The following ITSN1 variants were observed in gnomAD, a reference collection of about 807,000 sequenced individuals.
The protein encoded by ITSN1 is intersectin-1.
Under a neutral mutation model 239.8 loss-of-function variants are expected in ITSN1, and 58 were observed. That is an observed-to-expected ratio of 0.24 (90% CI 0.20 to 0.30). ITSN1 has a LOEUF of 0.30. Among genes scored for constraint, ITSN1 ranks in the 10% least tolerant of loss-of-function variants. The pLI is 1.00. For synonymous variants in ITSN1, 780 were observed against 770.8 expected (o/e 1.01, Z -0.20); for missense variants, 1,558 against 2,103.3 (o/e 0.74, Z 5.07).
At chr21:33,813,091 G>A (rs953330160) in intron 21 of ITSN1, among the ~76,000 whole-genome samples, 1 of 151,984 alleles carries the variant, frequency 6.6e-6, no homozygotes, top group African/African-American at 2.4e-5. Flanking sequence ...TGTATTTCAT[G>A]TACCCTCACA....
intron 29 of ITSN1, among the ~76,000 whole-genome samples, chr21:33,854,862 C>T (rs1320050674): frequency 6.6e-6 from 1 of 152,052 alleles, no homozygotes; most frequent in Non-Finnish European, 1.5e-5. Flanking sequence ...TGAGTGAGGT[C>T]GAGGGTGTTG....
Position 33,683,850 on chromosome 21 carries a change from G to T in ITSN1, c.-32-34947G>T, listed in dbSNP as rs76898745. 3.8e-3 allele frequency among the ~76,000 whole-genome samples: 572 copies of T among 152,242 alleles called. 3 individuals are homozygous for T. Among genetic ancestry groups the T allele is most frequent in the African/African-American group, 0.013 (527 of 41,542 alleles). ...GAATTTCTCTATTTTAATATTTGTA[G>T]TTGCTATCCATTTTAGAAATATCCA... On this transcript the variant is annotated intron_variant, in intron 1 of 39. Transcript: ENST00000381318.
intron 2 of ITSN1, among the ~76,000 whole-genome samples, chr21:33,720,528 T>G (rs1223411033): frequency 6.6e-6 from 1 of 152,272 alleles, no homozygotes; most frequent in South Asian, 2.1e-4. Context: ...CCCATTCTCT[T>G]TGGCTATTAT....
At chr21:33,810,825 C>CTT (rs2072852748) in intron 20 of ITSN1, 150 bp from the exon 21 acceptor site, 9 of 923,994 alleles carry the variant, frequency 9.7e-6, no homozygotes, top group Middle Eastern at 2.5e-4. Context: ...TGCTTAGACT[C>CTT]TTTTCCCAGA....
At chr21:33,759,192 G>A (rs532684493) in intron 8 of ITSN1, among the ~76,000 whole-genome samples, 84 of 152,318 alleles carry the variant, frequency 5.5e-4, no homozygotes, top group Middle Eastern at 6.8e-3. Context: ...GCTTATATCA[G>A]TGGATATGGC....
intron 2 of ITSN1, among the ~76,000 whole-genome samples, chr21:33,719,301 C>T (rs904817480): frequency 1.3e-5 from 2 of 152,054 alleles, no homozygotes; most frequent in African/African-American, 2.4e-5. Flanking sequence ...ATTAGCCGGG[C>T]GTGGTGGCAG....
At chr21:33,663,770 T>C (rs958830057) in intron 1 of ITSN1, among the ~76,000 whole-genome samples, 1 of 152,140 alleles carries the variant, frequency 6.6e-6, no homozygotes, top group African/African-American at 2.4e-5. Context: ...GCCTGGCTAA[T>C]TTTTTGTATT....
At chr21:33,873,697 C>T (rs1983137350) in intron 33 of ITSN1, among the ~76,000 whole-genome samples, 1 of 151,642 alleles carries the variant, frequency 6.6e-6, no homozygotes, top group African/African-American at 2.4e-5. Context: ...ATGGCGAGAC[C>T]CCCGTCTCCA....
At chr21:33,711,167 A>G (rs2092404381) in intron 1 of ITSN1, among the ~76,000 whole-genome samples, 1 of 152,182 alleles carries the variant, frequency 6.6e-6, no homozygotes, top group South Asian at 2.1e-4. Flanking sequence ...ATTTTCCAAG[A>G]AATTTGTTTC....
chr21:33,647,053 TGACTA>T (rs1325715258), intron 1 of ITSN1, among the ~76,000 whole-genome samples: 2 of 152,172 alleles, frequency 1.3e-5, no homozygotes, highest in East Asian at 1.9e-4. Flanking sequence ...TTTAATTGAA[TGACTA>T]GACTAAACAT....
intron 8 of ITSN1, among the ~76,000 whole-genome samples, chr21:33,757,231 CATTG>C (rs1228646278): frequency 1.2e-4 from 19 of 152,134 alleles, no homozygotes; most frequent in African/African-American, 4.3e-4. Context: ...TCAATTGAGA[CATTG>C]ATTGAGAAAT....
At position 33,875,692 on chromosome 21, in the gene ITSN1, T is replaced by C. The variant is rs112323777; in HGVS notation, c.4341+171T>C. Among the ~76,000 whole-genome samples the C allele has an allele frequency of 8.2e-4, 125 of 152,222 alleles. 1 individual carries two copies. Among genetic ancestry groups the C allele is most frequent in the Non-Finnish European group, 1.6e-3 (110 of 68,030 alleles). Reference sequence around the variant, plus strand: ...CATCCACCCACTGAGTATTTATTTATTTATTTGAGATAGAGTCTCACTCTG... The same window carrying C: ...CATCCACCCACTGAGTATTTATTTACTTATTTGAGATAGAGTCTCACTCTG... On this transcript the variant is annotated intron_variant, in intron 34 of 39. Transcript: ENST00000381318.
intron 1 of ITSN1, among the ~76,000 whole-genome samples, chr21:33,649,111 G>A (rs1328421581): frequency 6.6e-6 from 1 of 152,208 alleles, no homozygotes; most frequent in Admixed American, 6.5e-5. Flanking sequence ...GTACAGAAGT[G>A]TGATGAGGGA....
chr21:33,882,251 G>A lies in ITSN1; in HGVS notation c.4350G>A (p.Val1450=), dbSNP rs145932237. 7.0e-5 allele frequency: 113 copies of A among 1,613,580 alleles called. No homozygotes were observed. The highest frequency in any genetic ancestry group is 9.3e-5 in the Non-Finnish European group (110 of 1,179,936). The change falls in exon 35 of 40, where the codon GTG becomes GTA. Residue 1450 remains valine (V), a synonymous_variant. Transcript: ENST00000381318. The surrounding 1 kb of genome is among the most constrained non-coding windows in gnomAD (Gnocchi z 4.5). ...VQCEGLSEQL[V]FNSVTNCLGP... is the part of the protein sequence containing the mutation. ...TTGTTTTCCTTTCTCAGCAACTTGTGTTCAATTCAGTGACCAATTGCTTGG... is the reference window on the plus strand; with the variant it reads ...TTGTTTTCCTTTCTCAGCAACTTGTATTCAATTCAGTGACCAATTGCTTGG...
At chr21:33,874,132 G>C (rs955873187) in intron 33 of ITSN1, among the ~76,000 whole-genome samples, 1 of 144,718 alleles carries the variant, frequency 6.9e-6, no homozygotes, top group African/African-American at 2.6e-5. Flanking sequence ...TTCCAGCCTG[G>C]GCAACAAGAG....
rs1287668628 is a variant in ITSN1 at position 33,892,014 on chromosome 21, G to A, written c.*3714G>A. 2 of 152,188 alleles carry A rather than the reference G, an allele frequency of 1.3e-5. No individual in the cohort carries two copies. Among genetic ancestry groups the A allele is most frequent in the African/African-American group, 4.8e-5 (2 of 41,442 alleles). 9.4% of individuals were successfully genotyped at this position (152,188 alleles called of 1,614,324 possible). A position where few individuals can be genotyped will look rare whatever the true frequency, so the allele number is the denominator to read the frequency against. ...GCGATGTGCTTTATAGCAGACACTA[G>A]CACTTTTACATGAATACCTGGTGTG... On this transcript the variant is annotated 3_prime_UTR_variant, in exon 40 of 40. Coordinates refer to ENST00000381318, the MANE Select transcript of ITSN1 (RefSeq NM_003024.3).
chr21:33,649,984 G>A (rs963754212), intron 1 of ITSN1, among the ~76,000 whole-genome samples: 1 of 147,550 alleles, frequency 6.8e-6, no homozygotes, highest in Non-Finnish European at 1.5e-5. Flanking sequence ...AGCTGACATC[G>A]CACCATTACA....
rs753070248 is a variant in ITSN1, at chr21:33,761,969, T to C, written c.771T>C (p.Ala257=). ...TTATGCAGTCAAGTTTACCACAGGC[T>C]CAGCTGGCTTCAATATGGTAAGGAA... is the stretch of plus-strand genomic sequence containing the variant. ...TILMQSSLPQ[A]QLASIWNLSD... is the part of the protein sequence containing the mutation. The change falls in exon 9 of 40, where the codon GCT becomes GCC. Residue 257 remains alanine, a synonymous_variant. Transcript: ENST00000381318. The C allele has an allele frequency of 1.9e-6, 3 of 1,613,390 alleles. No homozygotes were observed. The South Asian group carries it at 3.3e-5, about 18-fold the overall frequency.
intron 1 of ITSN1, among the ~76,000 whole-genome samples, chr21:33,692,042 T>C (rs1568950348): frequency 6.6e-6 from 1 of 152,210 alleles, no homozygotes; most frequent in Non-Finnish European, 1.5e-5. Context: ...GGTGATCAGA[T>C]ATCTCAGATG....
Sources: gnomAD v4.1 joint callset for allele counts (sites outside exome capture counted in the v4.1 genomes callset) on GRCh38, gnomAD v4.1.1 for gene constraint, Gnocchi (gnomAD v3.1) non-coding constraint, MANE v1.5 for transcripts, NCBI Gene and HGNC (gene_info 2026-07-23, HGNC 2026-07-21) for gene names.